The following GRAMD4 variants were observed in gnomAD, a reference collection of about 807,000 sequenced individuals.
GRAMD4 encodes the protein GRAM domain containing 4.
Under a neutral mutation model 83.9 loss-of-function variants are expected in GRAMD4, and 25 were observed. That is an observed-to-expected ratio of 0.30 (90% confidence interval 0.22 to 0.42). The LOEUF is 0.42. Ranked by LOEUF, GRAMD4 falls within the 10% of genes least tolerant of loss-of-function variation. The pLI, the probability that GRAMD4 is intolerant of heterozygous loss-of-function variation, is 1.00. For synonymous variants in GRAMD4, 336 were observed against 320.9 expected (o/e 1.05, Z -0.50); for missense variants, 593 against 788.7 (o/e 0.75, Z 2.97).
intron 13 of GRAMD4, among the ~76,000 whole-genome samples, chr22:46,670,517 C>T (rs1472563788): frequency 3.3e-5 from 5 of 152,216 alleles, no homozygotes; most frequent in Non-Finnish European, 7.3e-5. Flanking sequence ...CTGCAGTGCA[C>T]TTGCGGCCCT....
intron 15 of GRAMD4, 72 bp downstream of exon 15, chr22:46,673,886 G>C: frequency 6.5e-7 from 1 of 1,537,356 alleles, no homozygotes; most frequent in Non-Finnish European, 8.9e-7. Flanking sequence ...GGGGCGCTGT[G>C]GATGCAGGAC....
At position 46,663,168 on chromosome 22, in the gene GRAMD4, C is replaced by T. The variant is rs1263242573; in HGVS notation, c.595C>T (p.Arg199Cys). 6.2e-7 allele frequency: 1 copy of T among 1,610,726 alleles called. No homozygotes were observed. Among genetic ancestry groups the T allele is most frequent in the South Asian group, 1.1e-5 (1 of 91,024 alleles). ...GGAGACAGAGGAACCCCTGAGCGCC[C>T]GCAGGTAGGGGTTCGCCGAGCTGGG... ...TVETEEPLSA[R>C]RLTENMRRLK... The change falls in exon 6 of 19, where the codon CGC (arginine) becomes TGC (cysteine). Residue 199 changes from arginine to cysteine, a missense_variant. Around this residue, in one of 4 missense-constraint regions of GRAMD4, gnomAD observed 312 missense variants for 350.7 expected, o/e 0.89. Coordinates refer to ENST00000406902, the MANE Select transcript of GRAMD4 (RefSeq NM_015124.5).
Position 46,678,300 on chromosome 22 carries a change from C to G in GRAMD4, c.*1049C>G. 1 of 985,480 alleles carries G rather than the reference C, an allele frequency of 1.0e-6. No individual in the cohort carries two copies. Among genetic ancestry groups the G allele is most frequent in the Non-Finnish European group, 1.2e-6 (1 of 829,964 alleles). The allele number at this position is 985,480 out of a possible 1,614,324, so 61.0% of individuals were successfully genotyped here. On this transcript the variant is annotated 3_prime_UTR_variant, in exon 19 of 19. Coordinates refer to ENST00000406902, the MANE Select transcript of GRAMD4 (RefSeq NM_015124.5). ...TGTGCTTTAGGGAGCAACCGTGAGC[C>G]GAGCCCAGAGGCCTGGGCCTGCACT...
chr22:46,576,974 A>C (rs995921309), upstream of GRAMD4, among the ~76,000 whole-genome samples: 1 of 143,206 alleles, frequency 7.0e-6, no homozygotes, highest in Non-Finnish European at 1.5e-5. Flanking sequence ...GCCCCCGCGG[A>C]CCCCCGAGCC....
chr22:46,649,353 G>T (rs986006003), intron 3 of GRAMD4, among the ~76,000 whole-genome samples: 1 of 152,196 alleles, frequency 6.6e-6, no homozygotes, highest in Non-Finnish European at 1.5e-5. Flanking sequence ...GGGATGGCAC[G>T]TGCTGTCGAG....
At chr22:46,607,140 C>CA (rs2081373164) in intron 1 of GRAMD4, among the ~76,000 whole-genome samples, 1 of 152,162 alleles carries the variant, frequency 6.6e-6, no homozygotes, top group Admixed American at 6.5e-5. Flanking sequence ...CCTGGGGTCC[C>CA]ATCCCCCACC....
intron 9 of GRAMD4, among the ~76,000 whole-genome samples, chr22:46,666,340 C>G (rs1333685608): frequency 1.3e-5 from 2 of 152,234 alleles, no homozygotes; most frequent in East Asian, 3.8e-4. Context: ...CACCGAGGCT[C>G]AGGGAAGAGC....
In GRAMD4 at chr22:46,666,833, G is replaced by A. The variant is rs1184379955; in HGVS notation, c.818G>A (p.Arg273Gln). Reference sequence around the variant, plus strand: ...TGTTTTCTGTTCGCCAGGGGGTGGCGGATACAGTGGAGCATCGTGCCCGAA... The same window carrying A: ...TGTTTTCTGTTCGCCAGGGGGTGGCAGATACAGTGGAGCATCGTGCCCGAA... ...SLNYLIARGWRIQWSIVPEVS... is the reference protein window; with the variant it reads ...SLNYLIARGWQIQWSIVPEVS... The change falls in exon 10 of 19, where the codon CGG (arginine) becomes CAG (glutamine). Residue 273 changes from arginine to glutamine, a missense_variant. By Grantham distance (43) the Arg-to-Gln change is conservative. Transcript: ENST00000406902. 7 of 1,609,854 alleles carry A rather than the reference G, an allele frequency of 4.3e-6. No homozygotes were observed. Among genetic ancestry groups the A allele is most frequent in the African/African-American group, 1.3e-5 (1 of 74,722 alleles).
intron 4 of GRAMD4, among the ~76,000 whole-genome samples, chr22:46,660,077 C>T (rs1385507321): frequency 6.6e-6 from 1 of 152,184 alleles, no homozygotes; most frequent in Non-Finnish European, 1.5e-5. Context: ...TTCCCATCCT[C>T]TCACTCCCGC....
chr22:46,633,353 G>A (rs1156478687), intron 2 of GRAMD4, among the ~76,000 whole-genome samples: 1 of 152,204 alleles, frequency 6.6e-6, no homozygotes, highest in African/African-American at 2.4e-5. Flanking sequence ...TTAAAGTGTG[G>A]CTCCCTCTCC....
chr22:46,621,061 T>G lies in GRAMD4; in HGVS notation c.-50+496T>G, dbSNP rs905368462. On this transcript the variant is annotated intron_variant, in intron 1 of 18. Coordinates refer to ENST00000406902, the MANE Select transcript of GRAMD4 (RefSeq NM_015124.5). This position sits in a 1 kb window ranked among gnomAD's most constrained non-coding sequence, Gnocchi z 5.8. ...TGGGCTGCAGGCTGAGGAGCTGGGCTTCCTCCAGGGACCGTGGAGGGGGTG... is the reference window on the plus strand; with the variant it reads ...TGGGCTGCAGGCTGAGGAGCTGGGCGTCCTCCAGGGACCGTGGAGGGGGTG... 6.6e-6 allele frequency among the ~76,000 whole-genome samples: 1 copy of G among 151,672 alleles called. No individual in the cohort carries two copies. Among genetic ancestry groups the G allele is most frequent in the Non-Finnish European group, 1.5e-5 (1 of 67,866 alleles).
intron 6 of GRAMD4, among the ~76,000 whole-genome samples, chr22:46,663,408 G>T (rs886870160): frequency 6.6e-6 from 1 of 152,242 alleles, no homozygotes; most frequent in African/African-American, 2.4e-5. Flanking sequence ...GCTGTGGCTT[G>T]TGACAGTTGT....
At chr22:46,577,419 G>GGCCCGA (rs1602277935) in intron 1 of GRAMD4, 2 of 49,996 alleles carry the variant, frequency 4.0e-5, no homozygotes, top group East Asian at 8.3e-3. Flanking sequence ...CCGCCGCCCG[G>GGCCCGA]GCCCGAGCCG....
In GRAMD4 at chr22:46,672,927, A is replaced by T. The variant is rs138062317; in HGVS notation, c.1169A>T (p.Tyr390Phe). The change falls in exon 14 of 19, where the codon TAT becomes TTT. Residue 390 changes from tyrosine (Y) to phenylalanine (F), a missense_variant. By Grantham distance (22) the Tyr-to-Phe change is conservative. Transcript: ENST00000406902. The surrounding 1 kb of genome is among the most constrained non-coding windows in gnomAD (Gnocchi z 4.7). ...CTGCGCGCCAAGTACGACACGCCCT[A>T]TATCATCTGGAGGAGTCTCCCCACC... ...PRLRAKYDTPYIIWRSLPTDP... is the reference protein window; with the variant it reads ...PRLRAKYDTPFIIWRSLPTDP... 1.4e-5 allele frequency: 23 copies of T among 1,611,784 alleles called. No individual in the cohort carries two copies. The African/African-American group carries it at 2.9e-4, about 21-fold the overall frequency.
chr22:46,625,123 G>T (rs1204859762), intron 1 of GRAMD4, among the ~76,000 whole-genome samples: 1 of 152,168 alleles, frequency 6.6e-6, no homozygotes, highest in Non-Finnish European at 1.5e-5. Context: ...GCCTCCCAAA[G>T]TGCTGGAATT....
intron 1 of GRAMD4, among the ~76,000 whole-genome samples, chr22:46,603,532 T>TTTTTTTTTTTG (rs2081335487): frequency 9.6e-6 from 1 of 103,894 alleles, no homozygotes; most frequent in Admixed American, 1.1e-4. Flanking sequence ...TTTTTTTTTT[T>TTTTTTTTTTTG]TTGAGATGGA....
intron 2 of GRAMD4, among the ~76,000 whole-genome samples, 187 bp downstream of exon 2, chr22:46,627,148 C>T (rs375731710): frequency 1.1e-4 from 16 of 152,208 alleles, no homozygotes; most frequent in Admixed American, 2.6e-4. Flanking sequence ...GCTGCCACGC[C>T]GAGCCTTCTG....
intron 3 of GRAMD4, among the ~76,000 whole-genome samples, chr22:46,651,272 C>A (rs940922212): frequency 2.0e-5 from 3 of 152,326 alleles, no homozygotes; most frequent in Non-Finnish European, 2.9e-5. Flanking sequence ...GGGTTCCTTG[C>A]CATTTGGTGG....
intron 3 of GRAMD4, among the ~76,000 whole-genome samples, chr22:46,654,883 G>A (rs2082219521): frequency 6.6e-6 from 1 of 152,214 alleles, no homozygotes; most frequent in Admixed American, 6.5e-5. Context: ...ATGGAGGCTT[G>A]GAAACGTCAC....
Sources: gnomAD v4.1 joint callset for allele counts (sites outside exome capture counted in the v4.1 genomes callset) on GRCh38, gnomAD v4.1.1 for gene constraint, gnomAD v4.1.1 regional missense constraint, Gnocchi (gnomAD v3.1) non-coding constraint, MANE v1.5 for transcripts, NCBI Gene and HGNC (gene_info 2026-07-23, HGNC 2026-07-21) for gene names.